The following CDH18 variants were observed in gnomAD, a reference collection of about 807,000 sequenced individuals.
CDH18 encodes the protein cadherin 18.
CDH18 carries 31 observed loss-of-function variants against 67.9 expected under a neutral mutation model. The ratio of observed to expected loss-of-function variants is 0.46; its 90% CI spans 0.34 to 0.62. CDH18 has a LOEUF of 0.62. Ranked by LOEUF, CDH18 falls within the 20% of genes least tolerant of loss-of-function variation. CDH18 has a pLI of 0.01. For synonymous variants in CDH18, 362 were observed against 347.2 expected, an observed-to-expected ratio of 1.04 and a Z score of -0.48; for missense variants, 890 against 975.5, an observed-to-expected ratio of 0.91 and a Z score of 1.17.
intron 2 of CDH18, among the ~76,000 whole-genome samples, chr5:20,003,297 TTGTGTG>T (rs557130483): frequency 1.3e-5 from 2 of 150,138 alleles, no homozygotes; most frequent in Non-Finnish European, 3.0e-5. Flanking sequence ...GTGGCTGTGT[TTGTGTG>T]TGTGTGTGTG....
rs544469943 is a variant in CDH18, at chr5:20,263,868, G to A, written c.-579-8363C>T. 2.6e-5 allele frequency among the ~76,000 whole-genome samples: 4 copies of A among 152,026 alleles called. No homozygotes were observed. The South Asian group carries it at 8.3e-4, about 31-fold the overall frequency. ...AAAGTTAGATTTTTTTAAGGTGTGA[G>A]CTCTTTCATTGTTTACTACTAGCTA... On this transcript the variant is annotated intron_variant, in intron 1 of 14. Transcript: ENST00000507958.
rs2150575849 is a variant in CDH18, at chr5:20,100,748, T to C, written c.-517-108734A>G. Among the ~76,000 whole-genome samples the C allele has an allele frequency of 2.0e-5, 3 of 152,282 alleles. No homozygotes were observed. The Middle Eastern group carries it at 0.01, about 518-fold the overall frequency. The stretch of plus-strand genomic sequence containing the variant: ...ATATCTAATATCTCAATATGGTCCA[T>C]GACCCTCTTCATGGTTTCTTTGCAA... On this transcript the variant is annotated intron_variant, in intron 2 of 14. Transcript: ENST00000507958.
chr5:19,611,891 A>G (rs1303411835), intron 6 of CDH18, among the ~76,000 whole-genome samples: 1 of 150,792 alleles, frequency 6.6e-6, no homozygotes. Context: ...TTCAAGTCTT[A>G]TATTTTACTC....
chr5:19,510,322 G>A (rs1744920479), intron 10 of CDH18, among the ~76,000 whole-genome samples: 1 of 152,058 alleles, frequency 6.6e-6, no homozygotes, highest in African/African-American at 2.4e-5. Flanking sequence ...CTCACAAGCA[G>A]AGCACATACA....
At chr5:19,914,723 C>CA (rs1293485765) in intron 2 of CDH18, among the ~76,000 whole-genome samples, 1 of 151,910 alleles carries the variant, frequency 6.6e-6, no homozygotes, top group Non-Finnish European at 1.5e-5. Flanking sequence ...GAGCACCTAG[C>CA]AATAATACTG....
intron 1 of CDH18, among the ~76,000 whole-genome samples, chr5:20,506,383 T>G (rs1036777757): frequency 2.6e-5 from 4 of 152,248 alleles, no homozygotes; most frequent in Admixed American, 2.6e-4. Flanking sequence ...ATTACCTTCC[T>G]GGCTCAGGAC....
intron 2 of CDH18, among the ~76,000 whole-genome samples, chr5:20,132,857 A>C (rs1287006620): frequency 6.6e-6 from 1 of 152,112 alleles, no homozygotes; most frequent in East Asian, 1.9e-4. Flanking sequence ...GTTTTATATA[A>C]ATTAGGAGTA....
intron 2 of CDH18, among the ~76,000 whole-genome samples, chr5:20,003,917 AAAAC>A (rs911386767): frequency 1.7e-4 from 26 of 152,314 alleles, no homozygotes; most frequent in African/African-American, 4.3e-4. Flanking sequence ...CAAACAAACA[AAAAC>A]AAACAAACAA....
intron 2 of CDH18, among the ~76,000 whole-genome samples, chr5:20,084,011 C>G (rs1580200668): frequency 6.6e-6 from 1 of 152,118 alleles, no homozygotes; most frequent in East Asian, 1.9e-4. Flanking sequence ...ATTTCAAAAC[C>G]AGTTATGCCT....
intron 2 of CDH18, among the ~76,000 whole-genome samples, chr5:19,888,809 A>AT (rs1788490144): frequency 2.0e-5 from 3 of 152,218 alleles, no homozygotes; most frequent in East Asian, 1.9e-4. Context: ...GGTAACAGAC[A>AT]TTTTTTTACT....
Position 19,755,708 on chromosome 5 carries a change from G to C in CDH18, c.229-8472C>G, listed in dbSNP as rs181287539. Among the ~76,000 whole-genome samples, 491 of 151,464 alleles carry C rather than the reference G, an allele frequency of 3.2e-3. 1 individual carries two copies. The highest frequency in any genetic ancestry group is 3.9e-3 in the Admixed American group (59 of 15,142). On this transcript the variant is annotated intron_variant, in intron 3 of 12. Coordinates refer to ENST00000382275, the MANE Select transcript of CDH18 (RefSeq NM_004934.5). ...CAATAAGCTTTCTGCAAGCTGAGGA[G>C]CAAGGAGAGCCAGTCCAAGTCCCAA...
At chr5:20,152,121 A>C (rs536962822) in intron 2 of CDH18, among the ~76,000 whole-genome samples, 21 of 146,074 alleles carry the variant, frequency 1.4e-4, no homozygotes, top group African/African-American at 4.9e-4. Context: ...ATTATATATA[A>C]TTATTTATAT....
intron 1 of CDH18, among the ~76,000 whole-genome samples, chr5:20,560,278 T>C (rs950530673): frequency 9.2e-5 from 14 of 152,114 alleles, no homozygotes; most frequent in African/African-American, 2.2e-4. Flanking sequence ...GCTGTAGTTC[T>C]AGAACCCAAA....
chr5:19,854,350 C>T lies in CDH18; in HGVS notation c.-256-15108G>A, dbSNP rs543530301. ...GCCAATCATTTTGAGGGAAATCTGT[C>T]TATTTCTATCAAAATTTCAAACTTT... On this transcript the variant is annotated intron_variant, in intron 2 of 12. Coordinates refer to ENST00000382275, the MANE Select transcript of CDH18 (RefSeq NM_004934.5). 9.9e-5 allele frequency among the ~76,000 whole-genome samples: 15 copies of T among 152,202 alleles called. No homozygotes were observed. The East Asian group carries it at 2.3e-3, about 24-fold the overall frequency.
chr5:19,483,644 C>A, intron 11 of CDH18, 92 bp from the exon 12 acceptor site: 1 of 1,325,772 alleles, frequency 7.5e-7, no homozygotes, highest in Admixed American at 2.4e-5. Flanking sequence ...GGATGTGTAT[C>A]TTTCTTGTTT....
chr5:19,760,459 C>T (rs892510581), intron 3 of CDH18, among the ~76,000 whole-genome samples: 1 of 152,100 alleles, frequency 6.6e-6, no homozygotes, highest in African/African-American at 2.4e-5. Flanking sequence ...CACGGTGGCC[C>T]ATCTTTTAAT....
chr5:20,116,739 A>G (rs1436017174), intron 2 of CDH18, among the ~76,000 whole-genome samples: 1 of 152,158 alleles, frequency 6.6e-6, no homozygotes, highest in Non-Finnish European at 1.5e-5. Context: ...GACCAACAAA[A>G]GAGGGCAAAG....
At chr5:19,630,785 CAA>C (rs904064921) in intron 5 of CDH18, among the ~76,000 whole-genome samples, 1 of 151,916 alleles carries the variant, frequency 6.6e-6, no homozygotes, top group Non-Finnish European at 1.5e-5. Flanking sequence ...TGGAAATTTG[CAA>C]AGAGTTATTT....
intron 1 of CDH18, among the ~76,000 whole-genome samples, chr5:20,499,208 C>G (rs1373926289): frequency 6.6e-6 from 1 of 151,970 alleles, no homozygotes; most frequent in Non-Finnish European, 1.5e-5. Flanking sequence ...CACAGATGCT[C>G]AAGTCCATGA....
Sources: gnomAD v4.1 joint callset for allele counts (sites outside exome capture counted in the v4.1 genomes callset) on GRCh38, gnomAD v4.1.1 for gene constraint, MANE v1.5 for transcripts, NCBI Gene and HGNC (gene_info 2026-07-23, HGNC 2026-07-21) for gene names.